Variants in AGTPBP1 observed in about 807,000 individuals in gnomAD.
AGTPBP1 encodes cytosolic carboxypeptidase 1.
Under a neutral mutation model 143.9 loss-of-function variants are expected in AGTPBP1, and 70 were observed. The ratio of observed to expected loss-of-function variants is 0.49; its 90% confidence interval spans 0.40 to 0.59. The LOEUF (loss-of-function observed/expected upper bound fraction) is 0.59. AGTPBP1 is among the 20% of genes least tolerant of loss of function. The probability of loss-of-function intolerance (pLI) is 0.00; values close to 1 mark genes in which losing one functional copy is unlikely to be tolerated. For synonymous variants in AGTPBP1, 463 were observed against 500.2 expected (o/e 0.93, Z 0.99); for missense variants, 1,229 against 1,464.5 (o/e 0.84, Z 2.62).
chr9:85,787,500 T>C, the AGTPBP1 span, among the ~76,000 whole-genome samples: 8,107 of 152,076 alleles, frequency 0.053, 705 homozygotes, highest in African/African-American at 0.18. Context: ...CTTTGCACAC[T>C]GGCCAAACTA....
At chr9:85,740,369 G>A (rs1308295123) in intron 1 of AGTPBP1, among the ~76,000 whole-genome samples, 3 of 152,172 alleles carry the variant, frequency 2.0e-5, no homozygotes, top group African/African-American at 7.2e-5. Context: ...GAAGTGGAAT[G>A]GGAAAAAGAG....
At chr9:85,754,788 A>C in the AGTPBP1 span, among the ~76,000 whole-genome samples, 2 of 152,168 alleles carry the variant, frequency 1.3e-5, no homozygotes, top group Non-Finnish European at 2.9e-5. Flanking sequence ...GCATTCCCAC[A>C]CACACCCATT....
chr9:85,721,501 T>C (rs1236233026), intron 1 of AGTPBP1, among the ~76,000 whole-genome samples: 3 of 151,758 alleles, frequency 2.0e-5, no homozygotes, highest in Admixed American at 6.6e-5. Context: ...TTTTTTTTTT[T>C]TTTTTTCTTT....
chr9:85,604,431 G>A (rs1829869777), intron 17 of AGTPBP1, among the ~76,000 whole-genome samples: 1 of 152,186 alleles, frequency 6.6e-6, no homozygotes. Flanking sequence ...CCCTAATGCA[G>A]ATATGGCTGC....
chr9:85,741,025 G>T (rs1824224449), intron 1 of AGTPBP1, among the ~76,000 whole-genome samples: 2 of 152,188 alleles, frequency 1.3e-5, no homozygotes, highest in African/African-American at 4.8e-5. Flanking sequence ...TACCGCACAA[G>T]GGGTAAAACA....
At chr9:85,637,652 G>A (rs914752181) in intron 13 of AGTPBP1, among the ~76,000 whole-genome samples, 2 of 152,302 alleles carry the variant, frequency 1.3e-5, no homozygotes, top group South Asian at 4.1e-4. Context: ...ATCTGCGCAG[G>A]AGATGAAGAG....
At position 85,546,985 on chromosome 9, in the gene AGTPBP1, G is replaced by T; in HGVS notation, c.*124C>A. The T allele has an allele frequency of 2.1e-6, 2 of 942,352 alleles. No individual in the cohort carries two copies. The highest frequency in any genetic ancestry group is 2.9e-6 in the Non-Finnish European group (2 of 685,862). The allele number at this position is 942,352 out of a possible 1,614,324, so 58.4% of individuals were successfully genotyped here. A position where few individuals can be genotyped will look rare whatever the true frequency, so the allele number is the denominator to read the frequency against. Reference sequence around the variant, plus strand: ...CATTTATTATCTTGAAACCAAACTGGCCCAAGTTACTTTTTGTCTTTTTGA... The same window carrying T: ...CATTTATTATCTTGAAACCAAACTGTCCCAAGTTACTTTTTGTCTTTTTGA... On this transcript the variant is annotated 3_prime_UTR_variant, in exon 26 of 26. Transcript: ENST00000357081.
chr9:85,626,581 C>A (rs62566940), intron 14 of AGTPBP1, among the ~76,000 whole-genome samples: 4 of 152,148 alleles, frequency 2.6e-5, no homozygotes, highest in African/African-American at 9.7e-5. Flanking sequence ...AAAATAAGCA[C>A]TTCTGAGTAC....
At chr9:85,648,604 A>C (rs1473203655) in intron 11 of AGTPBP1, among the ~76,000 whole-genome samples, 1 of 152,208 alleles carries the variant, frequency 6.6e-6, no homozygotes, top group African/African-American at 2.4e-5. Flanking sequence ...CGAGGTCAGG[A>C]GATCGAGACC....
intron 25 of AGTPBP1, among the ~76,000 whole-genome samples, chr9:85,555,613 T>C (rs1826290297): frequency 6.6e-6 from 1 of 152,046 alleles, no homozygotes; most frequent in Admixed American, 6.6e-5. Context: ...CAAAAAAAGA[T>C]AGTTGATTTC....
chr9:85,570,613 T>C (rs1263347055), intron 25 of AGTPBP1, among the ~76,000 whole-genome samples: 1 of 152,218 alleles, frequency 6.6e-6, no homozygotes, highest in Non-Finnish European at 1.5e-5. Context: ...ACTGTGCTTT[T>C]TCCATCATAC....
intron 3 of AGTPBP1, among the ~76,000 whole-genome samples, chr9:85,681,743 A>G (rs1190848020): frequency 1.6e-5 from 2 of 128,248 alleles, no homozygotes; most frequent in Non-Finnish European, 3.1e-5. Context: ...TTGCATTAAT[A>G]TCTTTTTTTT....
At chr9:85,571,267 G>T (rs955170636) in intron 25 of AGTPBP1, among the ~76,000 whole-genome samples, 3 of 152,170 alleles carry the variant, frequency 2.0e-5, no homozygotes, top group Non-Finnish European at 4.4e-5. Flanking sequence ...AAGCATTGAA[G>T]AAATGATTGA....
intron 4 of AGTPBP1, among the ~76,000 whole-genome samples, chr9:85,678,705 A>C (rs553589296): frequency 6.6e-6 from 1 of 152,330 alleles, no homozygotes; most frequent in African/African-American, 2.4e-5. Flanking sequence ...ATGGCATTAC[A>C]ATGTATGTCT....
At chr9:85,737,023 G>A (rs941247855) in intron 1 of AGTPBP1, among the ~76,000 whole-genome samples, 3 of 152,144 alleles carry the variant, frequency 2.0e-5, no homozygotes, top group African/African-American at 4.8e-5. Flanking sequence ...GGAGAATGGC[G>A]TTAAGCCAGT....
At chr9:85,752,226 G>T in the AGTPBP1 span, among the ~76,000 whole-genome samples, 35 of 151,748 alleles carry the variant, frequency 2.3e-4, no homozygotes, top group Non-Finnish European at 4.0e-4. Context: ...GACAGAGTGA[G>T]ACTTTGTCTA....
intron 17 of AGTPBP1, among the ~76,000 whole-genome samples, chr9:85,600,413 C>T (rs1829587685): frequency 6.6e-6 from 1 of 152,126 alleles, no homozygotes; most frequent in Admixed American, 6.5e-5. Context: ...GCACTTACGT[C>T]CTCCACAAAG....
chr9:85,792,054 A>G, the AGTPBP1 span: 1 of 151,802 alleles, frequency 6.6e-6, no homozygotes, highest in African/African-American at 2.4e-5. Context: ...TTATTTTTGT[A>G]AAACAATGAT....
chr9:85,740,278 T>C (rs1192608669), intron 1 of AGTPBP1, among the ~76,000 whole-genome samples: 1 of 152,202 alleles, frequency 6.6e-6, no homozygotes, highest in Non-Finnish European at 1.5e-5. Context: ...CAGTTGTAAT[T>C]ATGTGATTAA....
Sources: gnomAD v4.1 joint callset for allele counts (sites outside exome capture counted in the v4.1 genomes callset) on GRCh38, gnomAD v4.1.1 for gene constraint, MANE v1.5 for transcripts, NCBI Gene and HGNC (gene_info 2026-07-23, HGNC 2026-07-21) for gene names.